ENOX2: variants seen among roughly 807,000 people sequenced by gnomAD.
ENOX2 encodes the protein APK1 antigen.
ENOX2 carries 36 observed loss-of-function variants against 45.0 expected under a neutral mutation model. That is an observed-to-expected ratio of 0.80 (90% confidence interval 0.61 to 1.06). The LOEUF (loss-of-function observed/expected upper bound fraction) is 1.06, where lower values mean the gene tolerates loss of function less well. Ranked by LOEUF, ENOX2 falls within the 50% of genes least tolerant of loss-of-function variation. The pLI is 0.00. For missense variants in ENOX2, 423 were observed against 462.5 expected (o/e 0.91, Z 0.78); for synonymous variants, 174 against 152.3 (o/e 1.14, Z -1.05).
intron 4 of ENOX2, among the ~76,000 whole-genome samples, chrX:130,700,212 A>C (rs950512376): frequency 2.7e-5 from 3 of 112,311 alleles, no homozygotes; most frequent in African/African-American, 9.7e-5. Flanking sequence ...GATGAGAAAA[A>C]ACCAGTTCAC....
chrX:130,733,036 A>G (rs1208414926), intron 3 of ENOX2, among the ~76,000 whole-genome samples: 2 of 112,192 alleles, frequency 1.8e-5, no homozygotes, highest in Non-Finnish European at 3.8e-5. Flanking sequence ...ACATCAAACT[A>G]AAAAGTTTCT....
intron 3 of ENOX2, among the ~76,000 whole-genome samples, chrX:130,741,168 T>C (rs768697803): frequency 2.7e-5 from 3 of 112,101 alleles, no homozygotes; most frequent in East Asian, 2.8e-4. Flanking sequence ...CAGAAAACCA[T>C]GATGGCCATA....
intron 14 of ENOX2, among the ~76,000 whole-genome samples, chrX:130,627,303 G>A (rs1049410480): frequency 8.9e-6 from 1 of 112,102 alleles, no homozygotes; most frequent in African/African-American, 3.2e-5. Context: ...TGATGGGGCC[G>A]GGTACGGTGG....
intron 2 of ENOX2, among the ~76,000 whole-genome samples, chrX:130,858,632 CAGTAACCTA>C (rs1394977187): frequency 9.0e-6 from 1 of 111,258 alleles, no homozygotes; most frequent in Admixed American, 9.5e-5. Flanking sequence ...GAGGTAAATG[CAGTAACCTA>C]ACAAATTCAA....
intron 5 of ENOX2, among the ~76,000 whole-genome samples, chrX:130,684,533 G>A (rs771342591): frequency 1.8e-5 from 2 of 111,791 alleles, no homozygotes; most frequent in South Asian, 7.6e-4. Flanking sequence ...GCATGTAGTA[G>A]TAATTACCTC....
At chrX:130,687,425 C>G (rs1443001873) in intron 5 of ENOX2, among the ~76,000 whole-genome samples, 3 of 112,449 alleles carry the variant, frequency 2.7e-5, no homozygotes, top group Non-Finnish European at 5.6e-5. Flanking sequence ...AGAAAAGGTA[C>G]TATCAGGAAT....
intron 9 of ENOX2, among the ~76,000 whole-genome samples, chrX:130,659,834 G>C (rs187795214): frequency 2.1e-4 from 23 of 112,117 alleles, no homozygotes; most frequent in African/African-American, 7.4e-4. Context: ...GAATATCTGA[G>C]AGCTAAGACA....
intron 2 of ENOX2, among the ~76,000 whole-genome samples, chrX:130,839,616 A>G (rs1300217075): frequency 9.0e-6 from 1 of 111,710 alleles, no homozygotes; most frequent in Non-Finnish European, 1.9e-5. Flanking sequence ...TGCTTTACAA[A>G]GATTATCATT....
intron 2 of ENOX2, among the ~76,000 whole-genome samples, chrX:130,840,450 C>G (rs1490639128): frequency 9.2e-6 from 1 of 108,925 alleles, no homozygotes; most frequent in African/African-American, 3.3e-5. Context: ...TTATTAAAAG[C>G]TAGAGTAGGA....
chrX:130,628,928 A>G (rs1298213743), intron 13 of ENOX2, among the ~76,000 whole-genome samples: 8 of 109,348 alleles, frequency 7.3e-5, no homozygotes, highest in African/African-American at 2.3e-4. Flanking sequence ...ACCTCCTTTC[A>G]TAAGATCTTA....
rs147762765 is a variant in ENOX2, at chrX:130,649,527, T to C, written c.1129+7054A>G. 2.0e-4 allele frequency among the ~76,000 whole-genome samples: 22 copies of C among 111,916 alleles called. No individual in the cohort carries two copies. The East Asian group carries it at 5.9e-3, about 30-fold the overall frequency. On this transcript the variant is annotated intron_variant, in intron 10 of 14. Coordinates refer to ENST00000394363, the MANE Select transcript of ENOX2 (RefSeq NM_006375.4). ...TGAAGGGTTCTGGTTAGAAGTATCT[T>C]CTACTAGTGTTGTTGAGGTGTTCTT...
chrX:130,631,393 A>T, intron 13 of ENOX2, 75 bp downstream of exon 13: 1 of 571,321 alleles, frequency 1.8e-6, no homozygotes, highest in Non-Finnish European at 3.1e-6. Context: ...TGTGCTTATT[A>T]ATCTTAGGTA....
intron 2 of ENOX2, among the ~76,000 whole-genome samples, chrX:130,851,623 CAAGATACAATGACATCTTAGGGAA>C (rs2078212407): frequency 2.7e-5 from 3 of 111,080 alleles, no homozygotes; most frequent in Non-Finnish European, 5.7e-5. Context: ...AGTCTTCCTC[CAAGATACAATGACATCTTAGGGAA>C]AAGGTAGCAT....
chrX:130,784,555 G>A (rs1478521754), intron 2 of ENOX2, among the ~76,000 whole-genome samples: 1 of 109,865 alleles, frequency 9.1e-6, no homozygotes, highest in Non-Finnish European at 1.9e-5. Flanking sequence ...ATCAAAGGGG[G>A]GGAAATCAGG....
chrX:130,814,265 T>G (rs2077441998), intron 2 of ENOX2, among the ~76,000 whole-genome samples: 1 of 111,852 alleles, frequency 8.9e-6, no homozygotes, highest in Admixed American at 9.4e-5. Flanking sequence ...TAGATAAAAC[T>G]CCCATCTCCC....
intron 2 of ENOX2, among the ~76,000 whole-genome samples, chrX:130,881,175 A>C (rs769271518): frequency 1.8e-5 from 2 of 112,441 alleles, no homozygotes; most frequent in Non-Finnish European, 3.8e-5. Flanking sequence ...TTCAATGCTC[A>C]ATAGCCACAT....
At chrX:130,897,778 A>G (rs1472970875) in intron 2 of ENOX2, among the ~76,000 whole-genome samples, 1 of 112,219 alleles carries the variant, frequency 8.9e-6, no homozygotes. Flanking sequence ...AGAAGTCTGG[A>G]TATTACTCTG....
chrX:130,834,460 T>G lies in ENOX2; in HGVS notation c.-182-50770A>C, dbSNP rs369999502. Among the ~76,000 whole-genome samples, 22 of 111,629 alleles carry G rather than the reference T, an allele frequency of 2.0e-4. No individual in the cohort carries two copies. The East Asian group carries it at 5.6e-3, about 28-fold the overall frequency. The stretch of plus-strand genomic sequence containing the variant: ...CTGCTTACTTTGTTCCTCTTTTTTT[T>G]CCCCTGATAAACATTTTTCAACCAT... On this transcript the variant is annotated intron_variant, in intron 2 of 14. Transcript: ENST00000394363.
chrX:130,777,587 C>T (rs935285517), intron 3 of ENOX2, among the ~76,000 whole-genome samples: 2 of 111,321 alleles, frequency 1.8e-5, no homozygotes, highest in Non-Finnish European at 3.8e-5. Flanking sequence ...ATATTACCAA[C>T]GTATCAGGCT....
Sources: allele counts gnomAD v4.1 joint callset (sites outside exome capture counted in the v4.1 genomes callset), GRCh38; gene constraint gnomAD v4.1.1; transcripts MANE v1.5; gene names NCBI Gene and HGNC (gene_info 2026-07-23, HGNC 2026-07-21).